Variants in PRSS23 observed in about 807,000 individuals in gnomAD.
PRSS23 encodes serine protease 23.
A neutral mutation model predicts 34.7 loss-of-function variants in PRSS23; 25 were observed. The observed-to-expected ratio is 0.72, with a 90% CI of 0.53 to 1.01. PRSS23 has a LOEUF of 1.01. PRSS23 is among the 50% of genes least tolerant of loss of function. The pLI is 0.00. For missense variants in PRSS23, 445 were observed against 475.6 expected (o/e 0.94, Z 0.60); for synonymous variants, 176 against 186.6 (o/e 0.94, Z 0.46).
chr11:86,886,301 A>T (rs1170975070), intron 2 of PRSS23, among the ~76,000 whole-genome samples: 1 of 152,174 alleles, frequency 6.6e-6, no homozygotes, highest in African/African-American at 2.4e-5. Context: ...ACCTCATTTG[A>T]GGCCACACTC....
intron 2 of PRSS23, among the ~76,000 whole-genome samples, chr11:86,927,007 G>T (rs1949086022): frequency 6.6e-6 from 1 of 152,168 alleles, no homozygotes. Context: ...CATGTAGTCA[G>T]ATAGGGTTAC....
At chr11:86,945,286 G>A (rs571948106) in intron 2 of PRSS23, among the ~76,000 whole-genome samples, 48 of 151,726 alleles carry the variant, frequency 3.2e-4, no homozygotes, top group Admixed American at 1.2e-3. Context: ...TAGCAATGAT[G>A]GGAAAACTCT....
intron 2 of PRSS23, among the ~76,000 whole-genome samples, chr11:86,828,262 C>G (rs1948320223): frequency 6.6e-6 from 1 of 152,082 alleles, no homozygotes; most frequent in Admixed American, 6.5e-5. Flanking sequence ...CCTTCTTTGT[C>G]TCTTTTGATT....
At chr11:86,866,419 C>T (rs1422838540) in intron 2 of PRSS23, among the ~76,000 whole-genome samples, 5 of 152,098 alleles carry the variant, frequency 3.3e-5, no homozygotes, top group African/African-American at 4.8e-5. Flanking sequence ...GGAGAGATTA[C>T]GCTCTTATAA....
At position 86,952,076 on chromosome 11, in the gene PRSS23, G is replaced by A. The variant is rs1280862141; in HGVS notation, c.*791G>A. 3 of 1,614,012 alleles carry A rather than the reference G, an allele frequency of 1.9e-6. No individual in the cohort carries two copies. The highest frequency in any genetic ancestry group is 2.5e-6 in the Non-Finnish European group (3 of 1,179,912). Reference sequence around the variant, plus strand: ...GGCAGTGGAGATGAAACACAGGCTGGCCCACACAGCCATCCAGATATCAGT... The same window carrying A: ...GGCAGTGGAGATGAAACACAGGCTGACCCACACAGCCATCCAGATATCAGT... On this transcript the variant is annotated 3_prime_UTR_variant, in exon 3 of 3. Coordinates refer to the PRSS23 transcript ENST00000533902.
At chr11:86,830,100 C>T (rs1378033932) in intron 2 of PRSS23, among the ~76,000 whole-genome samples, 3 of 152,198 alleles carry the variant, frequency 2.0e-5, no homozygotes, top group African/African-American at 2.4e-5. Context: ...AGAGGTGGAG[C>T]CTACAGAGGC....
At chr11:86,848,866 G>A (rs956880663) in intron 2 of PRSS23, among the ~76,000 whole-genome samples, 4 of 152,192 alleles carry the variant, frequency 2.6e-5, no homozygotes, top group African/African-American at 9.7e-5. Context: ...AACCAAAAGA[G>A]GAGCAGGCCA....
intron 2 of PRSS23, among the ~76,000 whole-genome samples, chr11:86,888,701 T>G (rs1385044885): frequency 2.6e-5 from 4 of 152,232 alleles, no homozygotes; most frequent in African/African-American, 9.6e-5. Context: ...GCCCCATCTG[T>G]AAATCCTAGT....
chr11:86,900,781 C>CT (rs60869425), intron 2 of PRSS23, among the ~76,000 whole-genome samples: 60,498 of 93,638 alleles, frequency 0.65, 21,326 homozygotes, highest in Admixed American at 0.7. Flanking sequence ...ATCTCTCTCT[C>CT]TTTTTTTTTT....
rs1265800952 is a variant in PRSS23 at position 86,841,361 on chromosome 11, A to AG, written c.206+17768_206+17769insG. Among the ~76,000 whole-genome samples the AG allele has an allele frequency of 4.4e-3, 300 of 67,532 alleles. 2 individuals are homozygous for AG. The highest frequency in any genetic ancestry group is 0.02 in the South Asian group (49 of 2,510). The allele number at this position is 67,532 out of a possible 152,430, so 44.3% of individuals were successfully genotyped here. Reference sequence around the variant, plus strand: ...TCTCAAAAAAAAAAAAAGAAGAAGAAAAAAAAAAAAGAACAAGGACTAGGG... The same window carrying AG: ...TCTCAAAAAAAAAAAAAGAAGAAGAAGAAAAAAAAAAGAACAAGGACTAGGG... On this transcript the variant is annotated intron_variant, in intron 2 of 2. Transcript: ENST00000533902.
chr11:86,847,304 C>G (rs191456379), intron 2 of PRSS23, among the ~76,000 whole-genome samples: 4 of 152,324 alleles, frequency 2.6e-5, no homozygotes, highest in Non-Finnish European at 5.9e-5. Context: ...ATTCAAGCAT[C>G]AGTGGTGCCC....
chr11:86,859,359 A>G (rs1312866756), intron 2 of PRSS23, among the ~76,000 whole-genome samples: 1 of 152,016 alleles, frequency 6.6e-6, no homozygotes, highest in East Asian at 1.9e-4. Context: ...GTTGCAGGAG[A>G]GGAGGATATT....
At chr11:86,951,715 G>A in exon 3 of PRSS23, 1 of 1,614,168 alleles carries the variant, frequency 6.2e-7, no homozygotes, top group Non-Finnish European at 8.5e-7. Flanking sequence ...CTGCAATGTG[G>A]AAATAAGAGC....
chr11:86,841,183 T>C (rs1035208265), intron 2 of PRSS23, among the ~76,000 whole-genome samples: 2 of 151,314 alleles, frequency 1.3e-5, no homozygotes, highest in South Asian at 4.2e-4. Flanking sequence ...CTACTAAAAA[T>C]ACAAAATTAG....
intron 2 of PRSS23, among the ~76,000 whole-genome samples, chr11:86,843,100 C>T (rs1472545832): frequency 1.3e-5 from 2 of 152,030 alleles, no homozygotes; most frequent in Non-Finnish European, 2.9e-5. Flanking sequence ...AGAACAGAGG[C>T]CTCAGAAATA....
intron 2 of PRSS23, among the ~76,000 whole-genome samples, chr11:86,944,329 A>G (rs144011379): frequency 1.3e-5 from 2 of 151,826 alleles, no homozygotes; most frequent in African/African-American, 2.4e-5. Context: ...CTCATTTTTA[A>G]CTTGATTTAA....
intron 2 of PRSS23, among the ~76,000 whole-genome samples, chr11:86,879,883 C>T (rs1194982600): frequency 9.5e-5 from 14 of 147,140 alleles, no homozygotes; most frequent in East Asian, 6.2e-4. Flanking sequence ...CGCCTCTGCC[C>T]GGCCGCCCCT....
At chr11:86,802,526 C>T (rs1185860392) in intron 1 of PRSS23, among the ~76,000 whole-genome samples, 1 of 152,216 alleles carries the variant, frequency 6.6e-6, no homozygotes, top group Admixed American at 6.5e-5. Flanking sequence ...TTCACCGTTC[C>T]ATATCACTGA....
chr11:86,902,219 A>T (rs575494600), intron 2 of PRSS23, among the ~76,000 whole-genome samples: 1 of 152,306 alleles, frequency 6.6e-6, no homozygotes, highest in African/African-American at 2.4e-5. Flanking sequence ...GTGCTCAGAA[A>T]CTATAGGGAC....
Sources: allele counts gnomAD v4.1 joint callset (sites outside exome capture counted in the v4.1 genomes callset), GRCh38; gene constraint gnomAD v4.1.1; transcripts MANE v1.5; gene names NCBI Gene and HGNC (gene_info 2026-07-23, HGNC 2026-07-21).